The following NFATC4 variants were observed in gnomAD, a reference collection of about 807,000 sequenced individuals.
NFATC4 encodes the protein nuclear factor of activated T-cells, cytoplasmic 4.
NFATC4 carries 25 observed loss-of-function variants against 73.4 expected under a neutral mutation model. The observed-to-expected ratio is 0.34, with a 90% CI of 0.25 to 0.48. The LOEUF (loss-of-function observed/expected upper bound fraction) is 0.48, where lower values mean the gene tolerates loss of function less well. NFATC4 is among the 20% of genes least tolerant of loss of function. NFATC4 has a pLI of 0.99. For missense variants in NFATC4, 1,130 were observed against 1,203.7 expected (o/e 0.94, Z 0.91); for synonymous variants, 523 against 510.3 (o/e 1.02, Z -0.34).
In NFATC4 at chr14:24,376,697, A is replaced by G. The variant is rs1237163584; in HGVS notation, c.2460A>G (p.Pro820=). Residue 820 remains proline, a synonymous_variant, in exon 9 of 10, where the codon CCA becomes CCG. Coordinates refer to ENST00000250373, the MANE Select transcript of NFATC4 (RefSeq NM_004554.5). This position sits in a 1 kb window ranked among gnomAD's most constrained non-coding sequence, Gnocchi z 5.0. ...GGCCGCCTCCTCTTCCTGCATCCCC[A>G]CCGCTTGAAGGCCCCTTCCCTTCCC... ...PFRPPPLPAS[P]PLEGPFPSQS... is the part of the protein sequence containing the mutation. 1 of 1,612,538 alleles carries G rather than the reference A, an allele frequency of 6.2e-7. No homozygotes were observed. The highest frequency in any genetic ancestry group is 8.5e-7 in the Non-Finnish European group (1 of 1,179,598).
chr14:24,375,940 C>G (rs200394117), intron 7 of NFATC4, 35 bp from the exon 8 acceptor site: 2 of 1,613,078 alleles, frequency 1.2e-6, no homozygotes, highest in Admixed American at 1.7e-5. Context: ...CCCAGATGCC[C>G]GAGGGCTCCC....
Position 24,377,608 on chromosome 14 carries a change from C to T in NFATC4, c.2642-30C>T. ...GGAAAAGGAGGGGACCCACCTCTAG[C>T]CCAGTCTCTCAACTGCCCCTCCTTT... is the stretch of plus-strand genomic sequence containing the variant. On this transcript the variant is annotated intron_variant, in intron 9 of 9. Transcript: ENST00000250373. The surrounding 1 kb of genome is among the most constrained non-coding windows in gnomAD (Gnocchi z 4.2). 2 of 1,614,054 alleles carry T rather than the reference C, an allele frequency of 1.2e-6. No individual in the cohort carries two copies. The highest frequency in any genetic ancestry group is 1.7e-6 in the Non-Finnish European group (2 of 1,179,984).
rs765287014 is a variant in NFATC4, at chr14:24,376,951, A to G, written c.2641+73A>G. 7.0e-6 allele frequency: 10 copies of G among 1,437,256 alleles called. No individual in the cohort carries two copies. In the African/African-American group the frequency reaches 1.4e-4, roughly 21 times the overall value. 89.0% of individuals were successfully genotyped at this position (1,437,256 alleles called of 1,614,324 possible). A position where few individuals can be genotyped will look rare whatever the true frequency, so the allele number is the denominator to read the frequency against. On this transcript the variant is annotated intron_variant, in intron 9 of 9. Coordinates refer to ENST00000250373, the MANE Select transcript of NFATC4 (RefSeq NM_004554.5). The surrounding 1 kb of genome is among the most constrained non-coding windows in gnomAD (Gnocchi z 5.0). ...GCTCTGCATGTTTGCTGAGGGCTGG[A>G]GCTGGGCTTTTCAGAGATCGGGCAT...
At position 24,369,860 on chromosome 14, in the gene NFATC4, C is replaced by A. The variant is rs533118689; in HGVS notation, c.462C>A (p.Gly154=). 47 of 1,609,162 alleles carry A rather than the reference C, an allele frequency of 2.9e-5. No individual in the cohort carries two copies. The Middle Eastern group carries it at 8.3e-4, about 28-fold the overall frequency. ...RDYPPPEGFG[G]YREAGGQGGG... is the part of the protein sequence containing the mutation. Reference sequence around the variant, plus strand: ...ACCCCCCACCAGAAGGCTTTGGGGGCTACAGAGAAGCAGGGGGCCAGGGTG... The same window carrying A: ...ACCCCCCACCAGAAGGCTTTGGGGGATACAGAGAAGCAGGGGGCCAGGGTG... Residue 154 remains glycine, a synonymous_variant, in exon 2 of 10, where the codon GGC becomes GGA. Coordinates refer to ENST00000250373, the MANE Select transcript of NFATC4 (RefSeq NM_004554.5).
At chr14:24,368,010 G>A (rs2042351574), upstream of NFATC4, 1 of 1,110,992 alleles carries the variant, frequency 9.0e-7, no homozygotes, top group African/African-American at 1.6e-5. Flanking sequence ...TTTTTTGAGG[G>A]GGAGGGACTG....
At position 24,377,567 on chromosome 14, in the gene NFATC4, T is replaced by C; in HGVS notation, c.2642-71T>C. 1 of 1,611,012 alleles carries C rather than the reference T, an allele frequency of 6.2e-7. No homozygotes were observed. The highest frequency in any genetic ancestry group is 8.5e-7 in the Non-Finnish European group (1 of 1,178,132). On this transcript the variant is annotated intron_variant, in intron 9 of 9. Transcript: ENST00000250373. The surrounding 1 kb of genome is among the most constrained non-coding windows in gnomAD (Gnocchi z 4.2). The stretch of plus-strand genomic sequence containing the variant: ...TAGATTAAGACCTGCCTGGAATGGA[T>C]TGGGGGTGGGTCTTTGGAAAAGGAG...
At chr14:24,367,264 AGGAGGGGAACCCACAGGGTCC>A, upstream of NFATC4, 1 of 1,602,224 alleles carries the variant, frequency 6.2e-7, no homozygotes, top group Non-Finnish European at 8.5e-7. Flanking sequence ...GAGGGGGAAG[AGGAGGGGAACCCACAGGGTCC>A]GGAGGTTTCA....
At chr14:24,367,232 T>A (rs766814655), upstream of NFATC4, 3 of 1,611,860 alleles carry the variant, frequency 1.9e-6, no homozygotes, top group East Asian at 4.5e-5. Flanking sequence ...GTGTCCAGCC[T>A]GTTGGGGGCG....
At position 24,376,317 on chromosome 14, in the gene NFATC4, C is replaced by T. The variant is rs201939345; in HGVS notation, c.2080C>T (p.Pro694Ser). The T allele has an allele frequency of 1.8e-4, 290 of 1,587,586 alleles. No individual in the cohort carries two copies. The highest frequency in any genetic ancestry group is 1.6e-4 in the Admixed American group (9 of 57,106). The change falls in exon 9 of 10, where the codon CCG (proline) becomes TCG (serine). Residue 694 changes from proline to serine, a missense_variant. By Grantham distance (74) the Pro-to-Ser change is moderately conservative (BLOSUM62 -1). Coordinates refer to ENST00000250373, the MANE Select transcript of NFATC4 (RefSeq NM_004554.5). The surrounding 1 kb of genome is among the most constrained non-coding windows in gnomAD (Gnocchi z 5.0). The stretch of plus-strand genomic sequence containing the variant: ...AGTGATCTGCAAAGAGGAGCCCCTA[C>T]CGGACTCATCTCTGCGGGGTTTCCC... ...LPVICKEEPL[P>S]DSSLRGFPSA...
At chr14:24,372,726 G>A in intron 3 of NFATC4, 123 bp downstream of exon 3, 2 of 1,289,822 alleles carry the variant, frequency 1.6e-6, no homozygotes, top group Admixed American at 2.1e-5. Context: ...GGCAGCCTGG[G>A]GGAGGGGCTG....
chr14:24,374,435 C>A lies in NFATC4; in HGVS notation c.1842C>A (p.Asp614Glu). ...LVLTGSNFLPDSKVVFIERGP... is the reference protein window; with the variant it reads ...LVLTGSNFLPESKVVFIERGP... ...TGACTGGCTCCAACTTCCTGCCAGA[C>A]TCCAAGGTGGTGTTCATTGAGAGGG... Residue 614 changes from aspartate to glutamate, a missense_variant, in exon 6 of 10, where the codon GAC (aspartate) becomes GAA (glutamate). By Grantham distance (45) the Asp-to-Glu change is conservative (BLOSUM62 2). Transcript: ENST00000250373. The A allele has an allele frequency of 6.2e-7, 1 of 1,613,954 alleles. No homozygotes were observed.
chr14:24,375,567 C>A, intron 6 of NFATC4, 93 bp from the exon 7 acceptor site: 2 of 1,384,078 alleles, frequency 1.4e-6, no homozygotes, highest in Non-Finnish European at 2.0e-6. Context: ...CTGAATTTGG[C>A]CTTGGCTCTA....
intron 1 of NFATC4, chr14:24,369,115 G>C (rs1397514965): frequency 7.0e-7 from 1 of 1,431,996 alleles, no homozygotes; most frequent in Non-Finnish European, 9.1e-7. Context: ...TCCTGCCAGC[G>C]CCGTTTGGGG....
At chr14:24,375,798 G>A in intron 7 of NFATC4, 83 bp downstream of exon 7, 1 of 1,561,262 alleles carries the variant, frequency 6.4e-7, no homozygotes, top group Non-Finnish European at 8.8e-7. Flanking sequence ...TTGCTCAGGG[G>A]AGTGGACTTT....
At position 24,373,662 on chromosome 14, in the gene NFATC4, T is replaced by G; in HGVS notation, c.1560-33T>G. 1 of 1,583,000 alleles carries G rather than the reference T, an allele frequency of 6.3e-7. No homozygotes were observed. The highest frequency in any genetic ancestry group is 8.6e-7 in the Non-Finnish European group (1 of 1,163,062). On this transcript the variant is annotated intron_variant, in intron 4 of 9. Coordinates refer to ENST00000250373, the MANE Select transcript of NFATC4 (RefSeq NM_004554.5). The surrounding 1 kb of genome is among the most constrained non-coding windows in gnomAD (Gnocchi z 4.7). ...GATGTATCACCATTTTGGCTTCAGC[T>G]AGGAGGGCTTGCCATCCATCCTTTG...
In NFATC4 at chr14:24,377,979, G is replaced by T. The variant is rs192669667; in HGVS notation, c.*274G>T. The T allele has an allele frequency of 4.5e-4, 263 of 588,952 alleles. No individual in the cohort carries two copies. The African/African-American group carries it at 4.6e-3, about 10-fold the overall frequency. The allele number at this position is 588,952 out of a possible 1,614,324, so 36.5% of individuals were successfully genotyped here. A position where few individuals can be genotyped will look rare whatever the true frequency, so the allele number is the denominator to read the frequency against. ...TGCCAGAATGGACTGGAGTGAAGGC[G>T]TGTCTAGAGTGTGGGCTGGCTGTTG... is the stretch of plus-strand genomic sequence containing the variant. On this transcript the variant is annotated 3_prime_UTR_variant, in exon 10 of 10. Coordinates refer to ENST00000250373, the MANE Select transcript of NFATC4 (RefSeq NM_004554.5). This position sits in a 1 kb window ranked among gnomAD's most constrained non-coding sequence, Gnocchi z 4.2.
In NFATC4 at chr14:24,370,089, T is replaced by A. The variant is rs2042429984; in HGVS notation, c.691T>A (p.Trp231Arg). The A allele has an allele frequency of 6.2e-7, 1 of 1,604,862 alleles. No homozygotes were observed. Among genetic ancestry groups the A allele is most frequent in the Non-Finnish European group, 8.5e-7 (1 of 1,179,764 alleles). The change falls in exon 2 of 10, where the codon TGG (tryptophan) becomes AGG (arginine). Residue 231 changes from tryptophan to arginine, a missense_variant. This residue lies in a region of NFATC4 where 585 missense variants were observed against 574.3 expected (regional missense o/e 1.02). Transcript: ENST00000250373. ...SPRPWTPEDP[W>R]SLYGPSPGGR... ...TCGGCCATGGACCCCCGAAGATCCC[T>A]GGAGCCTGTATGGTCCAAGCCCCGG... is the stretch of plus-strand genomic sequence containing the variant.
intron 1 of NFATC4, chr14:24,369,038 C>T: frequency 2.2e-6 from 3 of 1,353,868 alleles, no homozygotes; most frequent in Admixed American, 3.1e-5. Flanking sequence ...GAGGAGCCAC[C>T]TCCCCTCGTC....
chr14:24,373,985 C>G lies in NFATC4; in HGVS notation c.1732+118C>G. On this transcript the variant is annotated intron_variant, in intron 5 of 9. Transcript: ENST00000250373. This position sits in a 1 kb window ranked among gnomAD's most constrained non-coding sequence, Gnocchi z 4.7. ...TGTGCCCTGTCTGTCCTGGGTAGCT[C>G]TATAGAGGACTCAGCTTCTTTCTAT... is the stretch of plus-strand genomic sequence containing the variant. The G allele has an allele frequency of 7.2e-7, 1 of 1,391,690 alleles. No homozygotes were observed. Among genetic ancestry groups the G allele is most frequent in the African/African-American group, 1.4e-5 (1 of 70,028 alleles). The allele number at this position is 1,391,690 out of a possible 1,614,324, so 86.2% of individuals were successfully genotyped here. A position where few individuals can be genotyped will look rare whatever the true frequency, so the allele number is the denominator to read the frequency against.
Sources: gnomAD v4.1 joint callset for allele counts on GRCh38, gnomAD v4.1.1 for gene constraint, gnomAD v4.1.1 regional missense constraint, Gnocchi (gnomAD v3.1) non-coding constraint, MANE v1.5 for transcripts, NCBI Gene and HGNC (gene_info 2026-07-23, HGNC 2026-07-21) for gene names.